Variants in LRP1B observed in about 807,000 individuals in gnomAD.
LRP1B encodes the protein LDL receptor related protein 1B.
Under a neutral mutation model 556.6 loss-of-function variants are expected in LRP1B, and 217 were observed. The observed-to-expected ratio is 0.39, with a 90% confidence interval of 0.35 to 0.44. The LOEUF (loss-of-function observed/expected upper bound fraction) is 0.44. Ranked by LOEUF, LRP1B falls within the 20% of genes least tolerant of loss-of-function variation. The pLI, the probability that LRP1B is intolerant of heterozygous loss-of-function variation, is 1.00. For missense variants in LRP1B, 5,053 were observed against 5,620.8 expected (o/e 0.90, Z 3.23); for synonymous variants, 2,047 against 1,865.8 (o/e 1.10, Z -2.50).
At chr2:141,043,580 G>T (rs111433614) in intron 11 of LRP1B, among the ~76,000 whole-genome samples, 1 of 151,706 alleles carries the variant, frequency 6.6e-6, no homozygotes, top group East Asian at 1.9e-4. Context: ...TTCAAATCTA[G>T]GTAAAAATGC....
chr2:141,179,670 C>A (rs1234861690), intron 7 of LRP1B, among the ~76,000 whole-genome samples: 1 of 151,804 alleles, frequency 6.6e-6, no homozygotes, highest in East Asian at 1.9e-4. Flanking sequence ...ACAAAACAAC[C>A]ACCACCACCA....
intron 3 of LRP1B, among the ~76,000 whole-genome samples, chr2:141,475,152 C>G (rs539430870): frequency 7.2e-5 from 11 of 152,200 alleles, no homozygotes; most frequent in African/African-American, 2.6e-4. Context: ...GCAGGTGGAT[C>G]ACTTTATGTC....
chr2:140,283,120 G>A (rs1682984079), intron 84 of LRP1B, among the ~76,000 whole-genome samples: 1 of 151,644 alleles, frequency 6.6e-6, no homozygotes, highest in South Asian at 2.1e-4. Context: ...ATCTAGCATG[G>A]CTTAGGAGTC....
intron 18 of LRP1B, among the ~76,000 whole-genome samples, chr2:140,965,704 A>T (rs76870674): frequency 1.3e-5 from 2 of 148,966 alleles, no homozygotes; most frequent in Non-Finnish European, 3.0e-5. Flanking sequence ...TTCCCTCCCC[A>T]CTCCCCTCTA....
At chr2:140,385,087 C>G (rs7581215) in intron 67 of LRP1B, among the ~76,000 whole-genome samples, 1 of 151,918 alleles carries the variant, frequency 6.6e-6, no homozygotes, top group Non-Finnish European at 1.5e-5. Context: ...ATCTCTACAA[C>G]TAATAAAGAA....
At chr2:141,168,946 T>A (rs1680377103) in intron 7 of LRP1B, among the ~76,000 whole-genome samples, 1 of 150,420 alleles carries the variant, frequency 6.6e-6, no homozygotes, top group Non-Finnish European at 1.5e-5. Flanking sequence ...CTCAAGGGTG[T>A]TTTTTTTGTC....
intron 11 of LRP1B, among the ~76,000 whole-genome samples, chr2:141,040,739 C>T (rs1270851906): frequency 6.6e-6 from 1 of 152,022 alleles, no homozygotes; most frequent in South Asian, 2.1e-4. Flanking sequence ...ATTGGAGGGA[C>T]AGCTGATTAT....
At chr2:141,274,163 AAAGTTAT>A (rs1476198266) in intron 3 of LRP1B, among the ~76,000 whole-genome samples, 3 of 152,196 alleles carry the variant, frequency 2.0e-5, no homozygotes, top group East Asian at 3.9e-4. Context: ...AGTTCTTCAA[AAAGTTAT>A]AAGTAGAGTC....
intron 2 of LRP1B, among the ~76,000 whole-genome samples, chr2:141,759,771 T>C (rs940859187): frequency 6.6e-6 from 1 of 152,144 alleles, no homozygotes; most frequent in Non-Finnish European, 1.5e-5. Context: ...GAGAAAGATG[T>C]TTAGATCTTT....
At chr2:140,772,474 T>A (rs535902445) in intron 33 of LRP1B, among the ~76,000 whole-genome samples, 10 of 152,116 alleles carry the variant, frequency 6.6e-5, no homozygotes, top group African/African-American at 2.4e-4. Flanking sequence ...CATGTCTGGA[T>A]AATTTTTGTA....
At chr2:140,242,853 C>G (rs745734064) in intron 87 of LRP1B, among the ~76,000 whole-genome samples, 1 of 150,994 alleles carries the variant, frequency 6.6e-6, no homozygotes, top group African/African-American at 2.4e-5. Context: ...ATCAGATGGG[C>G]AATTGTACTA....
intron 17 of LRP1B, among the ~76,000 whole-genome samples, chr2:140,985,459 T>C (rs367880388): frequency 2.6e-5 from 4 of 151,450 alleles, no homozygotes; most frequent in African/African-American, 7.3e-5. Context: ...GGGAGAAATG[T>C]TGATATGAAA....
intron 18 of LRP1B, among the ~76,000 whole-genome samples, chr2:140,969,352 T>C (rs1472993102): frequency 6.6e-6 from 1 of 152,132 alleles, no homozygotes; most frequent in African/African-American, 2.4e-5. Context: ...ATTGCAACCC[T>C]TGCCTTTTTT....
chr2:141,394,261 A>T (rs1690161637), intron 3 of LRP1B, among the ~76,000 whole-genome samples: 1 of 152,162 alleles, frequency 6.6e-6, no homozygotes, highest in African/African-American at 2.4e-5. Flanking sequence ...ATGTTTAAAT[A>T]ATTGTGTAAA....
intron 7 of LRP1B, among the ~76,000 whole-genome samples, chr2:141,098,112 T>C (rs1229689839): frequency 6.6e-6 from 1 of 152,198 alleles, no homozygotes; most frequent in Non-Finnish European, 1.5e-5. Flanking sequence ...GAGATAAATA[T>C]GAAAGCCTTT....
intron 5 of LRP1B, among the ~76,000 whole-genome samples, chr2:141,243,416 C>A (rs300364): frequency 1 from 152,010 of 152,228 alleles, 75,896 homozygotes; most frequent in Non-Finnish European, 1. Context: ...TAGAAGTTTG[C>A]GGCTGCAGTG....
intron 2 of LRP1B, among the ~76,000 whole-genome samples, chr2:141,688,401 T>C (rs1691390909): frequency 6.6e-6 from 1 of 151,928 alleles, no homozygotes; most frequent in African/African-American, 2.4e-5. Flanking sequence ...CTATTACTAT[T>C]TATTCATACT....
chr2:141,376,399 C>A (rs1689437723), intron 3 of LRP1B, among the ~76,000 whole-genome samples: 1 of 152,198 alleles, frequency 6.6e-6, no homozygotes, highest in Non-Finnish European at 1.5e-5. Flanking sequence ...AGTCTCTGGC[C>A]AGGCAAACTG....
At chr2:140,236,269 C>G (rs1573663187) in intron 89 of LRP1B, among the ~76,000 whole-genome samples, 1 of 150,822 alleles carries the variant, frequency 6.6e-6, no homozygotes, top group African/African-American at 2.4e-5. Context: ...TCTTCAGGAA[C>G]ACCAATGACT....
Sources: gnomAD v4.1 joint callset for allele counts (sites outside exome capture counted in the v4.1 genomes callset) on GRCh38, gnomAD v4.1.1 for gene constraint, MANE v1.5 for transcripts, NCBI Gene and HGNC (gene_info 2026-07-23, HGNC 2026-07-21) for gene names.